The following TCF12 variants were observed in gnomAD, a reference collection of about 807,000 sequenced individuals.
The protein encoded by TCF12 is DNA-binding protein HTF4.
In TCF12, 45 loss-of-function variants were observed where a neutral mutation model predicts 86.0. The observed-to-expected ratio is 0.52, with a 90% CI of 0.41 to 0.67. The LOEUF (loss-of-function observed/expected upper bound fraction) is 0.67, where lower values mean the gene tolerates loss of function less well. Ranked by LOEUF, TCF12 falls within the 30% of genes least tolerant of loss-of-function variation. The probability of loss-of-function intolerance (pLI) is 0.00; values close to 1 mark genes in which losing one functional copy is unlikely to be tolerated. For missense variants in TCF12, 881 were observed against 859.9 expected (o/e 1.02, Z -0.31); for synonymous variants, 330 against 299.6 (o/e 1.10, Z -1.05).
rs2057019670 is a variant in TCF12 at position 57,192,254 on chromosome 15, A to G, written c.487A>G (p.Ser163Gly). The change falls in exon 7 of 21, where the codon AGT becomes GGT. Residue 163 changes from serine (S) to glycine (G), a missense_variant. Around this residue, in one of 3 missense-constraint regions of TCF12, gnomAD observed 766 missense variants for 718.9 expected, o/e 1.07. Transcript: ENST00000333725. The part of the protein sequence containing the change: ...GTAYYSFSAT[S>G]SRRRPLHDSA... ...AGCATACTATTCATTCTCTGCTACA[A>G]GTTCCAGGAGGAGACCACTCCATGA... 1 of 1,614,164 alleles carries G rather than the reference A, an allele frequency of 6.2e-7. No individual in the cohort carries two copies.
rs146238190 is a variant in TCF12, at chr15:57,144,652, G to T, written c.326-21750G>T. ...CTCACTCTGTAATCCAGGCTGGAGT[G>T]TGGTGGCACGAGCTCAGCTCACTGC... On this transcript the variant is annotated intron_variant, in intron 5 of 20. Transcript: ENST00000333725. Among the ~76,000 whole-genome samples, 7 of 152,302 alleles carry T rather than the reference G, an allele frequency of 4.6e-5. No homozygotes were observed. The East Asian group carries it at 1.3e-3, about 29-fold the overall frequency.
chr15:57,166,314 C>T, intron 5 of TCF12, 88 bp from the exon 6 acceptor site: 1 of 1,051,932 alleles, frequency 9.5e-7, no homozygotes, highest in South Asian at 1.6e-5. Context: ...TTTAAAACTG[C>T]AATATAATTA....
At chr15:57,206,425 C>T (rs1425532846) in intron 8 of TCF12, among the ~76,000 whole-genome samples, 8 of 151,764 alleles carry the variant, frequency 5.3e-5, no homozygotes, top group African/African-American at 1.9e-4. Flanking sequence ...ATAAATAAAG[C>T]TTTATTTATG....
intron 14 of TCF12, among the ~76,000 whole-genome samples, chr15:57,252,016 C>G (rs1275469874): frequency 6.6e-6 from 1 of 152,206 alleles, no homozygotes; most frequent in African/African-American, 2.4e-5. Flanking sequence ...ATGTTGACTA[C>G]TGTTGCTTTT....
At chr15:56,974,424 C>T (rs1263012021) in intron 3 of TCF12, among the ~76,000 whole-genome samples, 1 of 151,992 alleles carries the variant, frequency 6.6e-6, no homozygotes, top group African/African-American at 2.4e-5. Context: ...TTGTGCTAGT[C>T]TTGCAGCTTT....
At chr15:57,056,143 G>A (rs2068008414) in intron 3 of TCF12, among the ~76,000 whole-genome samples, 1 of 151,368 alleles carries the variant, frequency 6.6e-6, no homozygotes, top group Non-Finnish European at 1.5e-5. Context: ...GTGTGTGTGT[G>A]TGTGTGTGTG....
At chr15:57,247,354 T>C (rs2151989120) in intron 13 of TCF12, 3 of 657,374 alleles carry the variant, frequency 4.6e-6, no homozygotes, top group Non-Finnish European at 8.3e-6. Flanking sequence ...CAAAACTACC[T>C]CTACCACCTC....
chr15:57,284,387 T>G (rs1373921240), intron 20 of TCF12, among the ~76,000 whole-genome samples: 4 of 152,112 alleles, frequency 2.6e-5, no homozygotes, highest in Non-Finnish European at 5.9e-5. Flanking sequence ...TTTTTGTATT[T>G]TTAGTAGAGA....
chr15:57,231,408 T>A, intron 9 of TCF12, 151 bp downstream of exon 9: 1 of 603,340 alleles, frequency 1.7e-6, no homozygotes. Context: ...AATTTTCCAG[T>A]GGTGTTTATT....
chr15:57,053,287 A>G (rs1013841234), intron 3 of TCF12, among the ~76,000 whole-genome samples: 1 of 151,984 alleles, frequency 6.6e-6, no homozygotes. Flanking sequence ...TGTCTATTCA[A>G]ATTTGTTGTC....
intron 3 of TCF12, among the ~76,000 whole-genome samples, chr15:56,979,646 C>G (rs2062789578): frequency 6.6e-6 from 1 of 151,968 alleles, no homozygotes; most frequent in African/African-American, 2.4e-5. Context: ...TCAGAAGGGG[C>G]CAATGAAAAA....
intron 3 of TCF12, among the ~76,000 whole-genome samples, chr15:57,009,770 C>CAG (rs1388623528): frequency 1.3e-5 from 2 of 152,204 alleles, no homozygotes; most frequent in African/African-American, 4.8e-5. Context: ...CTAGGTTCCA[C>CAG]AGGTGATGTC....
intron 5 of TCF12, among the ~76,000 whole-genome samples, chr15:57,093,177 T>TA (rs1176941698): frequency 1.5e-4 from 23 of 152,234 alleles, no homozygotes; most frequent in African/African-American, 3.9e-4. Context: ...TCATTCCAGA[T>TA]AAAAAAATCA....
Position 57,190,615 on chromosome 15 carries a change from T to A in TCF12, c.391-1543T>A, listed in dbSNP as rs2056930308. 2.0e-5 allele frequency among the ~76,000 whole-genome samples: 3 copies of A among 152,262 alleles called. No individual in the cohort carries two copies. In the East Asian group the frequency reaches 5.8e-4, roughly 29 times the overall value. ...TTCAAGTCTCTGTGATCCTATTTCA[T>A]CTCATCTACCAGAAATCTTGGTGCA... On this transcript the variant is annotated intron_variant, in intron 6 of 20. Coordinates refer to ENST00000333725, the MANE Select transcript of TCF12 (RefSeq NM_207037.2).
intron 16 of TCF12, among the ~76,000 whole-genome samples, chr15:57,261,267 G>T (rs2060573478): frequency 2.0e-5 from 3 of 152,122 alleles, no homozygotes; most frequent in Admixed American, 2.0e-4. Context: ...AACATTTCAT[G>T]GAAAGTGTGG....
intron 5 of TCF12, among the ~76,000 whole-genome samples, chr15:57,147,557 A>G (rs1487702317): frequency 5.3e-5 from 8 of 152,146 alleles, no homozygotes; most frequent in African/African-American, 1.7e-4. Context: ...AGATCTTTGC[A>G]TGTTCTAGGG....
chr15:56,975,641 G>C (rs573177492), intron 3 of TCF12, among the ~76,000 whole-genome samples: 1 of 151,634 alleles, frequency 6.6e-6, no homozygotes, highest in Non-Finnish European at 1.5e-5. Context: ...GGTTTTTTTT[G>C]TTTGTTTGTT....
chr15:57,071,222 C>G (rs1596381814), intron 4 of TCF12, among the ~76,000 whole-genome samples: 1 of 145,334 alleles, frequency 6.9e-6, no homozygotes, highest in East Asian at 2.0e-4. Flanking sequence ...GCCTGGGCAA[C>G]AAAATGAGAC....
At chr15:57,145,623 A>G (rs2053304235) in intron 5 of TCF12, among the ~76,000 whole-genome samples, 1 of 152,194 alleles carries the variant, frequency 6.6e-6, no homozygotes, top group Non-Finnish European at 1.5e-5. Flanking sequence ...TTTAAAAAAT[A>G]TATTTTAGAG....
Sources: gnomAD v4.1 joint callset for allele counts (sites outside exome capture counted in the v4.1 genomes callset) on GRCh38, gnomAD v4.1.1 for gene constraint, gnomAD v4.1.1 regional missense constraint, MANE v1.5 for transcripts, NCBI Gene and HGNC (gene_info 2026-07-23, HGNC 2026-07-21) for gene names.